The following KLHL4 variants were observed in gnomAD, a reference collection of about 807,000 sequenced individuals.
KLHL4 encodes kelch like family member 4, also known as kelch-like protein 4.
A neutral mutation model predicts 45.8 loss-of-function variants in KLHL4; 17 were observed. That is an observed-to-expected ratio of 0.37 (90% CI 0.25 to 0.56). The LOEUF is 0.56. Ranked by LOEUF, KLHL4 falls within the 20% of genes least tolerant of loss-of-function variation. The pLI, the probability that KLHL4 is intolerant of heterozygous loss-of-function variation, is 0.79. For missense variants in KLHL4, 544 were observed against 544.9 expected, an observed-to-expected ratio of 1.00 and a Z score of 0.02; for synonymous variants, 224 against 189.9, an observed-to-expected ratio of 1.18 and a Z score of -1.47.
chrX:87,548,783 C>A (rs755811156), intron 1 of KLHL4, among the ~76,000 whole-genome samples: 39 of 101,102 alleles, frequency 3.9e-4, no homozygotes, highest in African/African-American at 3.6e-4. Context: ...CATAAAAAAA[C>A]CAAGAATCTA....
chrX:87,586,956 C>A (rs1921494805), intron 1 of KLHL4, among the ~76,000 whole-genome samples: 1 of 108,979 alleles, frequency 9.2e-6, no homozygotes, highest in Non-Finnish European at 1.9e-5. Context: ...ACTGATACTG[C>A]AGAATTTAAA....
At chrX:87,588,726 A>C (rs1921560857) in intron 1 of KLHL4, among the ~76,000 whole-genome samples, 1 of 111,166 alleles carries the variant, frequency 9.0e-6, no homozygotes, top group African/African-American at 3.3e-5. Context: ...AATCTCCAGG[A>C]CATTGGTCTG....
intron 1 of KLHL4, among the ~76,000 whole-genome samples, chrX:87,589,206 G>A (rs1332823338): frequency 9.0e-6 from 1 of 111,688 alleles, no homozygotes; most frequent in Non-Finnish European, 1.9e-5. Context: ...CGCTGTTGGT[G>A]GGAATGTACA....
At chrX:87,600,686 T>C (rs1921991206) in intron 1 of KLHL4, among the ~76,000 whole-genome samples, 1 of 111,434 alleles carries the variant, frequency 9.0e-6, no homozygotes, top group South Asian at 3.8e-4. Flanking sequence ...TTTTTCTTTA[T>C]AAATTACTCA....
At chrX:87,601,039 G>A (rs148961300) in intron 1 of KLHL4, among the ~76,000 whole-genome samples, 5 of 111,352 alleles carry the variant, frequency 4.5e-5, no homozygotes, top group Admixed American at 2.9e-4. Flanking sequence ...TATCCAAGTC[G>A]CAGCACCGAA....
chrX:87,623,076 C>T (rs1169587851), intron 5 of KLHL4, among the ~76,000 whole-genome samples: 1 of 111,146 alleles, frequency 9.0e-6, no homozygotes, highest in Non-Finnish European at 1.9e-5. Flanking sequence ...ATTTATAATA[C>T]ATGTGGATAT....
chrX:87,601,476 C>T (rs1025093118), intron 1 of KLHL4, among the ~76,000 whole-genome samples: 1 of 111,637 alleles, frequency 9.0e-6, no homozygotes, highest in African/African-American at 3.3e-5. Flanking sequence ...TGGACTGTTC[C>T]TAGAGGAAGG....
At chrX:87,634,326 C>T (rs977784874) in intron 8 of KLHL4, among the ~76,000 whole-genome samples, 7 of 111,440 alleles carry the variant, frequency 6.3e-5, no homozygotes, top group African/African-American at 2.3e-4. Context: ...TCAACAATCC[C>T]TCTCCTGAGT....
intron 9 of KLHL4, among the ~76,000 whole-genome samples, chrX:87,637,939 A>G (rs1923321199): frequency 9.0e-6 from 1 of 111,624 alleles, no homozygotes; most frequent in African/African-American, 3.3e-5. Context: ...ACAGAGCGAG[A>G]CTCCATTGAA....
At chrX:87,642,804 A>G (rs758337201) in intron 9 of KLHL4, among the ~76,000 whole-genome samples, 1 of 112,439 alleles carries the variant, frequency 8.9e-6, no homozygotes, top group East Asian at 2.8e-4. Context: ...AAAGAAATGT[A>G]GAGCTCAAAG....
intron 9 of KLHL4, among the ~76,000 whole-genome samples, chrX:87,650,788 G>T (rs1380632655): frequency 8.9e-6 from 1 of 111,882 alleles, no homozygotes; most frequent in Non-Finnish European, 1.9e-5. Flanking sequence ...GGAAGAAAAA[G>T]ATGTTTAATG....
intron 1 of KLHL4, among the ~76,000 whole-genome samples, chrX:87,543,845 G>T (rs1931617470): frequency 1.8e-5 from 2 of 111,434 alleles, no homozygotes; most frequent in Admixed American, 9.5e-5. Context: ...GGACTGTGAG[G>T]TATATGCCCT....
intron 1 of KLHL4, among the ~76,000 whole-genome samples, chrX:87,538,257 G>A (rs751150765): frequency 5.4e-5 from 6 of 111,205 alleles, no homozygotes; most frequent in African/African-American, 2.0e-4. Flanking sequence ...TGAATCAAAG[G>A]GGGATGTTAT....
intron 6 of KLHL4, among the ~76,000 whole-genome samples, chrX:87,627,340 G>A (rs1408336200): frequency 9.1e-6 from 1 of 110,173 alleles, no homozygotes; most frequent in Non-Finnish European, 1.9e-5. Flanking sequence ...CGGGAAATGA[G>A]GAAAGGAAAG....
chrX:87,543,331 T>C (rs1293118065), intron 1 of KLHL4, among the ~76,000 whole-genome samples: 3 of 111,312 alleles, frequency 2.7e-5, no homozygotes, highest in African/African-American at 9.8e-5. Flanking sequence ...CCACCAATTG[T>C]CCTCCCAAAA....
rs147023697 is a variant in KLHL4, at chrX:87,526,084, C to G, written c.422+7769C>G. On this transcript the variant is annotated intron_variant, in intron 1 of 10. Transcript: ENST00000373119. ...GCTATCTATTACATTTCTTGTCTACCCTTTTCCTGTAAAACTAGACTGCTA... is the reference window on the plus strand; with the variant it reads ...GCTATCTATTACATTTCTTGTCTACGCTTTTCCTGTAAAACTAGACTGCTA... Among the ~76,000 whole-genome samples the G allele has an allele frequency of 3.3e-3, 374 of 111,838 alleles. 5 individuals carry two copies. Among genetic ancestry groups the G allele is most frequent in the Admixed American group, 0.027 (285 of 10,511 alleles).
chrX:87,573,169 C>T (rs1287365573), intron 1 of KLHL4, among the ~76,000 whole-genome samples: 1 of 111,309 alleles, frequency 9.0e-6, no homozygotes, highest in African/African-American at 3.3e-5. Flanking sequence ...CTTTAAACGA[C>T]AATCAGAACT....
intron 9 of KLHL4, among the ~76,000 whole-genome samples, chrX:87,650,547 C>A (rs1180373113): frequency 8.9e-6 from 1 of 112,348 alleles, no homozygotes; most frequent in Non-Finnish European, 1.9e-5. Flanking sequence ...TTTAAAATTT[C>A]TAATTGTCAA....
chrX:87,639,315 A>G (rs1434313811), intron 9 of KLHL4, among the ~76,000 whole-genome samples: 1 of 111,392 alleles, frequency 9.0e-6, no homozygotes, highest in Non-Finnish European at 1.9e-5. Flanking sequence ...ACACGAACCA[A>G]TGAACTTAAA....
Sources: gnomAD v4.1 joint callset for allele counts (sites outside exome capture counted in the v4.1 genomes callset) on GRCh38, gnomAD v4.1.1 for gene constraint, MANE v1.5 for transcripts, NCBI Gene and HGNC (gene_info 2026-07-23, HGNC 2026-07-21) for gene names.